Variants in CNBD1 observed in about 807,000 individuals in gnomAD.
CNBD1 encodes the protein cyclic nucleotide binding domain containing 1, also known as cyclic nucleotide-binding domain-containing protein 1.
CNBD1 carries 71 observed loss-of-function variants against 54.4 expected under a neutral mutation model. The observed-to-expected ratio is 1.30, with a 90% CI of 1.08 to 1.59. CNBD1 has a LOEUF of 1.59. CNBD1 is among the 40% of genes most tolerant of loss of function. The probability of loss-of-function intolerance (pLI) is 0.00; values close to 1 mark genes in which losing one functional copy is unlikely to be tolerated. For synonymous variants in CNBD1, 182 were observed against 170.7 expected (o/e 1.07, Z -0.51); for missense variants, 659 against 518.0 (o/e 1.27, Z -2.64).
intron 3 of CNBD1, among the ~76,000 whole-genome samples, chr8:86,907,153 A>T (rs1342689605): frequency 6.6e-6 from 1 of 152,166 alleles, no homozygotes; most frequent in African/African-American, 2.4e-5. Flanking sequence ...GTCTGGGAAG[A>T]CCACATTCAT....
chr8:86,938,844 A>G (rs1809597809), intron 3 of CNBD1, among the ~76,000 whole-genome samples: 1 of 152,226 alleles, frequency 6.6e-6, no homozygotes. Flanking sequence ...AACAAGTTAT[A>G]TATTAATGTG....
At chr8:87,426,204 C>A (rs1448465388) in intron 2 of CNBD1, among the ~76,000 whole-genome samples, 1 of 152,214 alleles carries the variant, frequency 6.6e-6, no homozygotes, top group African/African-American at 2.4e-5. Flanking sequence ...ACCCACTGAC[C>A]TGCGCCCGCT....
intron 4 of CNBD1, among the ~76,000 whole-genome samples, chr8:86,960,580 C>G (rs532113558): frequency 6.6e-6 from 1 of 152,356 alleles, no homozygotes; most frequent in East Asian, 1.9e-4. Context: ...GAACAAAAGA[C>G]AGCAGAAACT....
intron 3 of CNBD1, among the ~76,000 whole-genome samples, chr8:86,935,766 T>C (rs1213854037): frequency 6.6e-6 from 1 of 152,202 alleles, no homozygotes; most frequent in South Asian, 2.1e-4. Context: ...TTATACTTAT[T>C]TTGAGTATAA....
chr8:86,953,260 A>T (rs1807672619), intron 4 of CNBD1, among the ~76,000 whole-genome samples: 1 of 152,216 alleles, frequency 6.6e-6, no homozygotes, highest in Non-Finnish European at 1.5e-5. Context: ...ATAATTGGGT[A>T]GGAAAAACTT....
At chr8:87,016,302 A>C (rs1809355039) in intron 4 of CNBD1, among the ~76,000 whole-genome samples, 1 of 151,974 alleles carries the variant, frequency 6.6e-6, no homozygotes, top group Non-Finnish European at 1.5e-5. Flanking sequence ...AAAAAGTTAA[A>C]ATAATAAAAG....
intron 5 of CNBD1, among the ~76,000 whole-genome samples, chr8:87,214,883 C>T (rs1449104332): frequency 6.6e-6 from 1 of 152,034 alleles, no homozygotes; most frequent in Non-Finnish European, 1.5e-5. Flanking sequence ...CCACCTGGTC[C>T]CTCCCACAAC....
chr8:87,255,656 C>T (rs1586367259), intron 6 of CNBD1, among the ~76,000 whole-genome samples: 2 of 151,724 alleles, frequency 1.3e-5, no homozygotes, highest in East Asian at 3.9e-4. Context: ...ACTCTAAGCT[C>T]ACACAGTTAA....
chr8:87,082,667 G>GTT (rs1811020409), intron 4 of CNBD1, among the ~76,000 whole-genome samples: 1 of 152,012 alleles, frequency 6.6e-6, no homozygotes, highest in African/African-American at 2.4e-5. Context: ...GTGTGTGTGT[G>GTT]TGTGTGTTTT....
At chr8:86,886,483 A>G (rs1176877558) in intron 1 of CNBD1, among the ~76,000 whole-genome samples, 4 of 152,174 alleles carry the variant, frequency 2.6e-5, no homozygotes, top group South Asian at 2.1e-4. Context: ...ATGGATAACA[A>G]TCAGTTGTCT....
chr8:86,882,361 G>A (rs2131780182), intron 1 of CNBD1, among the ~76,000 whole-genome samples: 1 of 152,152 alleles, frequency 6.6e-6, no homozygotes, highest in South Asian at 2.1e-4. Flanking sequence ...AGTGGGCAAA[G>A]GACATGAACA....
intron 4 of CNBD1, among the ~76,000 whole-genome samples, chr8:87,024,329 AT>A (rs2130581758): frequency 1.3e-5 from 2 of 149,552 alleles, no homozygotes; most frequent in East Asian, 3.9e-4. Context: ...TATTTTATTT[AT>A]TTTTATAATT....
intron 4 of CNBD1, among the ~76,000 whole-genome samples, chr8:86,945,990 T>A (rs1365741579): frequency 1.3e-5 from 2 of 152,182 alleles, no homozygotes; most frequent in Non-Finnish European, 2.9e-5. Context: ...TCATTAGTTG[T>A]ATGATCTTGG....
At chr8:87,137,064 T>C (rs1179691280) in intron 4 of CNBD1, among the ~76,000 whole-genome samples, 19 of 131,802 alleles carry the variant, frequency 1.4e-4, no homozygotes, top group Non-Finnish European at 2.6e-4. Context: ...ATATTATATT[T>C]ATATTCTATG....
intron 4 of CNBD1, among the ~76,000 whole-genome samples, chr8:87,122,671 C>G (rs76126549): frequency 6.6e-6 from 1 of 151,720 alleles, no homozygotes; most frequent in Non-Finnish European, 1.5e-5. Context: ...CTATTTTATT[C>G]GAGTAGTTTT....
intron 6 of CNBD1, among the ~76,000 whole-genome samples, chr8:87,237,596 T>G (rs1033779353): frequency 2.0e-5 from 3 of 152,152 alleles, no homozygotes; most frequent in African/African-American, 7.2e-5. Context: ...ATATAATATT[T>G]CAAGACTATT....
chr8:86,960,096 C>T (rs1807888386), intron 4 of CNBD1, among the ~76,000 whole-genome samples: 1 of 152,152 alleles, frequency 6.6e-6, no homozygotes, highest in Non-Finnish European at 1.5e-5. Flanking sequence ...GTGATTTGTG[C>T]ATTTCCAACT....
At chr8:87,331,476 G>A (rs865893922) in intron 8 of CNBD1, among the ~76,000 whole-genome samples, 1 of 152,080 alleles carries the variant, frequency 6.6e-6, no homozygotes, top group African/African-American at 2.4e-5. Context: ...TGGGCATTTG[G>A]GTTGGTTCCA....
intron 4 of CNBD1, among the ~76,000 whole-genome samples, chr8:86,988,190 T>C (rs887581064): frequency 6.6e-6 from 1 of 151,482 alleles, no homozygotes. Context: ...AAATTCACTA[T>C]TGGTCTATTT....
Sources: allele counts gnomAD v4.1 joint callset (sites outside exome capture counted in the v4.1 genomes callset), GRCh38; gene constraint gnomAD v4.1.1; transcripts MANE v1.5; gene names NCBI Gene and HGNC (gene_info 2026-07-23, HGNC 2026-07-21).